The following AIM2 variants were observed in gnomAD, a reference collection of about 807,000 sequenced individuals.
AIM2 encodes the protein interferon-inducible protein AIM2.
AIM2 carries 30 observed loss-of-function variants against 27.7 expected under a neutral mutation model. That is an observed-to-expected ratio of 1.08 (90% CI 0.81 to 1.47). AIM2 has a LOEUF of 1.47. AIM2 is among the 40% of genes most tolerant of loss of function. The pLI, the probability that AIM2 is intolerant of heterozygous loss-of-function variation, is 0.00. For missense variants in AIM2, 358 were observed against 411.3 expected (o/e 0.87, Z 1.12); for synonymous variants, 141 against 145.3 (o/e 0.97, Z 0.21).
In AIM2 at chr1:159,070,327, A is replaced by C. The variant is rs561143489; in HGVS notation, c.263-1626T>G. 8.5e-5 allele frequency among the ~76,000 whole-genome samples: 13 copies of C among 152,362 alleles called. No individual in the cohort carries two copies. The South Asian group carries it at 2.3e-3, about 27-fold the overall frequency. Reference sequence around the variant, plus strand: ...CTTGTACCTATTAGCAATTCAATGGATATTTACTGAATGGATGAAGAAATG... The same window carrying C: ...CTTGTACCTATTAGCAATTCAATGGCTATTTACTGAATGGATGAAGAAATG... On this transcript the variant is annotated intron_variant, in intron 2 of 5. Transcript: ENST00000368130.
chr1:159,123,657 G>C (rs1231052304), intron 1 of AIM2: 3 of 152,180 alleles, frequency 2.0e-5, no homozygotes, highest in Non-Finnish European at 4.4e-5. Flanking sequence ...TCCATAGAAA[G>C]CTGCCCAGAT....
At chr1:159,126,730 CTA>C (rs1016776620) in intron 1 of AIM2, among the ~76,000 whole-genome samples, 2 of 150,848 alleles carry the variant, frequency 1.3e-5, no homozygotes, top group Admixed American at 1.3e-4. Flanking sequence ...GGAATATAAA[CTA>C]TGACTCAGCA....
At chr1:159,096,433 G>A (rs1018190858) in intron 1 of AIM2, among the ~76,000 whole-genome samples, 1 of 152,090 alleles carries the variant, frequency 6.6e-6, no homozygotes. Flanking sequence ...CTTAATAAAT[G>A]TTGGATGTGT....
chr1:159,109,494 C>T (rs1657521165), intron 1 of AIM2, among the ~76,000 whole-genome samples: 1 of 152,090 alleles, frequency 6.6e-6, no homozygotes, highest in South Asian at 2.1e-4. Flanking sequence ...CTAGACATTG[C>T]CTTAGGCAAG....
Position 159,134,906 on chromosome 1 carries a change from T to A in AIM2, c.-16+5525A>T, listed in dbSNP as rs115016697. ...CTCTACAAAAGCTTCATTTATGCTGTCTCTTTATAGAAAGCCCTTTCCTTC... is the reference window on the plus strand; with the variant it reads ...CTCTACAAAAGCTTCATTTATGCTGACTCTTTATAGAAAGCCCTTTCCTTC... On this transcript the variant is annotated intron_variant, in intron 1 of 2. Coordinates refer to the AIM2 transcript ENST00000368129. Among the ~76,000 whole-genome samples the A allele has an allele frequency of 8.0e-3, 1,218 of 152,314 alleles. 21 individuals are homozygous for A. The highest frequency in any genetic ancestry group is 0.028 in the African/African-American group (1,156 of 41,572).
upstream of AIM2, among the ~76,000 whole-genome samples, chr1:159,141,593 A>T (rs559857890): frequency 6.6e-5 from 10 of 152,262 alleles, no homozygotes; most frequent in South Asian, 2.1e-3. Flanking sequence ...AAAATAAAAG[A>T]GGCACCTGCC....
chr1:159,139,194 A>T (rs543547165), intron 1 of AIM2, among the ~76,000 whole-genome samples: 1 of 152,188 alleles, frequency 6.6e-6, no homozygotes, highest in African/African-American at 2.4e-5. Context: ...CCCTCTACCT[A>T]CTTGGCTGAG....
intron 1 of AIM2, among the ~76,000 whole-genome samples, chr1:159,098,819 C>G (rs1657255272): frequency 6.6e-6 from 1 of 152,160 alleles, no homozygotes. Context: ...AAGGCTCTTT[C>G]TCATGGAGCT....
chr1:159,080,430 C>T (rs1404496640), upstream of AIM2, among the ~76,000 whole-genome samples: 3 of 152,180 alleles, frequency 2.0e-5, no homozygotes, highest in Non-Finnish European at 4.4e-5. Flanking sequence ...TTTAGAAATA[C>T]ATCATATAAA....
At chr1:159,065,863 A>C (rs1434835150) in intron 4 of AIM2, 47 bp downstream of exon 4, 1 of 1,516,590 alleles carries the variant, frequency 6.6e-7, no homozygotes, top group African/African-American at 1.4e-5. Context: ...CAGATGGGAA[A>C]TACGTTATTC....
Position 159,075,823 on chromosome 1 carries a change from A to G in AIM2, c.-21+810T>C, listed in dbSNP as rs375954758. ...AGCAGCAACATATAAAGTGGAAGAA[A>G]TAAGCCAAAGAACAGGAAAAGATGT... On this transcript the variant is annotated intron_variant, in intron 1 of 5. Coordinates refer to ENST00000368130, the MANE Select transcript of AIM2 (RefSeq NM_004833.3). Among the ~76,000 whole-genome samples the G allele has an allele frequency of 4.6e-5, 7 of 152,346 alleles. 1 individual carries two copies. The highest frequency in any genetic ancestry group is 1.7e-4 in the African/African-American group (7 of 41,592).
intron 2 of AIM2, among the ~76,000 whole-genome samples, chr1:159,070,602 T>C (rs898673576): frequency 1.1e-4 from 16 of 152,222 alleles, no homozygotes; most frequent in African/African-American, 3.9e-4. Context: ...TGGACTGAAA[T>C]AGCAAGGCAA....
intron 1 of AIM2, among the ~76,000 whole-genome samples, chr1:159,107,038 G>C (rs1657465208): frequency 6.6e-6 from 1 of 152,214 alleles, no homozygotes; most frequent in Non-Finnish European, 1.5e-5. Context: ...AGATCATGAA[G>C]ACCTACCAGT....
chr1:159,058,502 G>A (rs1459230744), downstream of AIM2, among the ~76,000 whole-genome samples: 1 of 151,968 alleles, frequency 6.6e-6, no homozygotes, highest in Non-Finnish European at 1.5e-5. Flanking sequence ...AGGGTGATGA[G>A]GAGCCACTGC....
chr1:159,143,714 A>G (rs916316413), upstream of AIM2, among the ~76,000 whole-genome samples: 17 of 152,088 alleles, frequency 1.1e-4, no homozygotes, highest in African/African-American at 4.1e-4. Context: ...GCTTCTTATA[A>G]GATCATGTGT....
At chr1:159,059,201 T>A (rs1234449452), downstream of AIM2, among the ~76,000 whole-genome samples, 1 of 152,208 alleles carries the variant, frequency 6.6e-6, no homozygotes, top group Admixed American at 6.5e-5. Context: ...ATAGTAGGCT[T>A]AGATGCCAAT....
At chr1:159,109,734 A>G (rs1266408931) in intron 1 of AIM2, among the ~76,000 whole-genome samples, 1 of 152,210 alleles carries the variant, frequency 6.6e-6, no homozygotes, top group Admixed American at 6.5e-5. Flanking sequence ...ATTCCATCAA[A>G]AAGTGGGATA....
At chr1:159,120,515 A>C (rs1557911918) in intron 1 of AIM2, among the ~76,000 whole-genome samples, 1 of 152,272 alleles carries the variant, frequency 6.6e-6, no homozygotes, top group East Asian at 1.9e-4. Flanking sequence ...CGTGCCACAG[A>C]GCTGGCTGTC....
chr1:159,105,789 G>C (rs550994829), intron 1 of AIM2, among the ~76,000 whole-genome samples: 3 of 152,274 alleles, frequency 2.0e-5, no homozygotes, highest in African/African-American at 7.2e-5. Context: ...TCAGAAGAGA[G>C]AAAGTGTGTA....
Sources: allele counts gnomAD v4.1 joint callset (sites outside exome capture counted in the v4.1 genomes callset), GRCh38; gene constraint gnomAD v4.1.1; transcripts MANE v1.5; gene names NCBI Gene and HGNC (gene_info 2026-07-23, HGNC 2026-07-21).